Variants in KCNK3 observed in about 807,000 individuals in gnomAD.
KCNK3 encodes potassium two pore domain channel subfamily K member 3.
KCNK3 carries 9 observed loss-of-function variants against 27.3 expected under a neutral mutation model. The observed-to-expected ratio is 0.33, with a 90% CI of 0.20 to 0.57. The LOEUF is 0.57. Ranked by LOEUF, KCNK3 falls within the 20% of genes least tolerant of loss-of-function variation. The probability of loss-of-function intolerance (pLI) is 0.87; values close to 1 mark genes in which losing one functional copy is unlikely to be tolerated. For synonymous variants in KCNK3, 278 were observed against 273.8 expected, an observed-to-expected ratio of 1.02 and a Z score of -0.15; for missense variants, 391 against 577.7, an observed-to-expected ratio of 0.68 and a Z score of 3.31.
At chr2:26,712,286 T>C (rs956654297) in intron 1 of KCNK3, among the ~76,000 whole-genome samples, 4 of 152,142 alleles carry the variant, frequency 2.6e-5, no homozygotes, top group Non-Finnish European at 5.9e-5. Flanking sequence ...CTGTTTGCTG[T>C]CTCCACGGAG....
At chr2:26,699,136 C>T (rs1670271801) in intron 1 of KCNK3, among the ~76,000 whole-genome samples, 3 of 149,824 alleles carry the variant, frequency 2.0e-5, no homozygotes, top group Admixed American at 2.0e-4. Context: ...CAAGATCGCG[C>T]CACTGCACCC....
intron 1 of KCNK3, among the ~76,000 whole-genome samples, chr2:26,697,053 A>G (rs927251770): frequency 1.3e-5 from 2 of 151,802 alleles, no homozygotes; most frequent in African/African-American, 4.8e-5. Context: ...AGGCATTATT[A>G]CCCCCATTTT....
At chr2:26,716,990 G>A (rs895456038) in intron 1 of KCNK3, among the ~76,000 whole-genome samples, 3 of 152,168 alleles carry the variant, frequency 2.0e-5, no homozygotes, top group Admixed American at 6.5e-5. Flanking sequence ...CCATTGTCAC[G>A]TAGTATCCAT....
chr2:26,708,583 G>T (rs1261141001), intron 1 of KCNK3, among the ~76,000 whole-genome samples: 1 of 152,160 alleles, frequency 6.6e-6, no homozygotes, highest in East Asian at 1.9e-4. Flanking sequence ...GGAGGCTGAG[G>T]CATAAGAAGC....
intron 1 of KCNK3, among the ~76,000 whole-genome samples, chr2:26,724,854 C>A (rs895235537): frequency 6.6e-6 from 1 of 151,608 alleles, no homozygotes; most frequent in East Asian, 1.9e-4. Context: ...GTAGGAGAGG[C>A]GAAGGAGGGC....
rs1268156791 is a variant in KCNK3 at position 26,731,431 on chromosome 2, G to A, written c.*2863G>A. 1.3e-5 allele frequency: 2 copies of A among 152,268 alleles called. No homozygotes were observed. The highest frequency in any genetic ancestry group is 2.9e-5 in the Non-Finnish European group (2 of 68,122). The allele number at this position is 152,268 out of a possible 1,614,324, so 9.4% of individuals were successfully genotyped here. ...CTAAAAATACAAAAATTAGCTGAGCGTGGTGGCGCATGTCTGTAGTCCCAG... is the reference window on the plus strand; with the variant it reads ...CTAAAAATACAAAAATTAGCTGAGCATGGTGGCGCATGTCTGTAGTCCCAG... On this transcript the variant is annotated 3_prime_UTR_variant, in exon 2 of 2. Transcript: ENST00000302909.
chr2:26,700,031 G>A (rs188060535), intron 1 of KCNK3, among the ~76,000 whole-genome samples: 251 of 152,348 alleles, frequency 1.6e-3, no homozygotes, highest in Non-Finnish European at 3.0e-3. Flanking sequence ...TATGCAGGGT[G>A]CTCAGTTGTG....
rs972551375 is a variant in KCNK3 at position 26,728,937 on chromosome 2, G to C, written c.*369G>C. 1.4e-5 allele frequency: 3 copies of C among 211,154 alleles called. No homozygotes were observed. Among genetic ancestry groups the C allele is most frequent in the African/African-American group, 2.3e-5 (1 of 43,736 alleles). 13.1% of individuals were successfully genotyped at this position (211,154 alleles called of 1,614,324 possible). On this transcript the variant is annotated 3_prime_UTR_variant, in exon 2 of 2. Transcript: ENST00000302909. ...GGAGGGGACTTCATGTTCCGTGTACGTTTGCATCTCTATTTATACCTCTGT... is the reference window on the plus strand; with the variant it reads ...GGAGGGGACTTCATGTTCCGTGTACCTTTGCATCTCTATTTATACCTCTGT...
chr2:26,720,576 G>C (rs1663310340), intron 1 of KCNK3, among the ~76,000 whole-genome samples: 1 of 152,186 alleles, frequency 6.6e-6, no homozygotes, highest in African/African-American at 2.4e-5. Context: ...TTGGGGGTTT[G>C]TCCTACATCA....
intron 1 of KCNK3, among the ~76,000 whole-genome samples, chr2:26,708,288 A>G (rs1260282122): frequency 6.6e-6 from 1 of 152,156 alleles, no homozygotes; most frequent in Non-Finnish European, 1.5e-5. Context: ...GAACAGGAGC[A>G]GTGTGGCTGT....
chr2:26,714,530 G>T (rs1482828901), intron 1 of KCNK3, among the ~76,000 whole-genome samples: 4 of 308 alleles, frequency 0.013, no homozygotes, highest in Non-Finnish European at 0.015. Flanking sequence ...AGGAAGCAGA[G>T]CTGGAGAGAG....
At chr2:26,701,734 G>A (rs1338794983) in intron 1 of KCNK3, among the ~76,000 whole-genome samples, 1 of 152,232 alleles carries the variant, frequency 6.6e-6, no homozygotes, top group Non-Finnish European at 1.5e-5. Context: ...GAGGTCAAAA[G>A]TCTGAGACCA....
At chr2:26,723,285 G>A (rs1180740719) in intron 1 of KCNK3, among the ~76,000 whole-genome samples, 5 of 152,158 alleles carry the variant, frequency 3.3e-5, no homozygotes, top group Non-Finnish European at 7.4e-5. Context: ...TCCCCACCCC[G>A]CATCTCCCTG....
intron 1 of KCNK3, among the ~76,000 whole-genome samples, chr2:26,700,410 A>G (rs1020085388): frequency 2.0e-5 from 3 of 152,228 alleles, no homozygotes; most frequent in Admixed American, 2.0e-4. Flanking sequence ...TGGAGCCAGC[A>G]TCCCCAAGCT....
chr2:26,708,977 G>A (rs1184825440), intron 1 of KCNK3, among the ~76,000 whole-genome samples: 3 of 152,226 alleles, frequency 2.0e-5, no homozygotes, highest in Non-Finnish European at 2.9e-5. Flanking sequence ...AGAGGCAGAG[G>A]AGACAGCACT....
chr2:26,728,620 G>A lies in KCNK3; in HGVS notation c.*52G>A, dbSNP rs1663478693. ...GGGGCGCGGGCGGGGGACCCCTGCT[G>A]GGAGGCCAGGAGACTGCCCCTGCTG... is the stretch of plus-strand genomic sequence containing the variant. On this transcript the variant is annotated 3_prime_UTR_variant, in exon 2 of 2. Transcript: ENST00000302909. The A allele has an allele frequency of 7.2e-7, 1 of 1,393,046 alleles. No individual in the cohort carries two copies. Among genetic ancestry groups the A allele is most frequent in the Non-Finnish European group, 9.3e-7 (1 of 1,070,476 alleles). 86.3% of individuals were successfully genotyped at this position (1,393,046 alleles called of 1,614,324 possible).
At chr2:26,700,410 A>T (rs1020085388) in intron 1 of KCNK3, among the ~76,000 whole-genome samples, 1 of 152,346 alleles carries the variant, frequency 6.6e-6, no homozygotes, top group South Asian at 2.1e-4. Context: ...TGGAGCCAGC[A>T]TCCCCAAGCT....
intron 1 of KCNK3, among the ~76,000 whole-genome samples, chr2:26,700,333 C>A (rs1484832747): frequency 6.6e-6 from 1 of 152,264 alleles, no homozygotes; most frequent in Non-Finnish European, 1.5e-5. Context: ...TCCACATTCT[C>A]TCATTGTGCA....
chr2:26,697,540 G>T (rs1006452989), intron 1 of KCNK3, among the ~76,000 whole-genome samples: 1 of 152,130 alleles, frequency 6.6e-6, no homozygotes, highest in Non-Finnish European at 1.5e-5. Flanking sequence ...GAAGCAGGGG[G>T]CTTCCTGCTC....
Sources: allele counts gnomAD v4.1 joint callset (sites outside exome capture counted in the v4.1 genomes callset), GRCh38; gene constraint gnomAD v4.1.1; transcripts MANE v1.5; gene names NCBI Gene and HGNC (gene_info 2026-07-23, HGNC 2026-07-21).